The following TTLL5 variants were observed in gnomAD, a reference collection of about 807,000 sequenced individuals.
TTLL5 encodes tubulin polyglutamylase TTLL5.
In TTLL5, 132 loss-of-function variants were observed where a neutral mutation model predicts 168.4. The observed-to-expected ratio is 0.78, with a 90% confidence interval of 0.68 to 0.91. The LOEUF (loss-of-function observed/expected upper bound fraction) is 0.91. Ranked by LOEUF, TTLL5 falls within the 40% of genes least tolerant of loss-of-function variation. The pLI, the probability that TTLL5 is intolerant of heterozygous loss-of-function variation, is 0.00. For synonymous variants in TTLL5, 546 were observed against 558.6 expected (o/e 0.98, Z 0.32); for missense variants, 1,545 against 1,581.5 (o/e 0.98, Z 0.39).
intron 27 of TTLL5, among the ~76,000 whole-genome samples, chr14:75,816,180 GCA>G (rs1207189749): frequency 6.6e-6 from 1 of 152,212 alleles, no homozygotes; most frequent in East Asian, 1.9e-4. Flanking sequence ...CAAGAACCCA[GCA>G]CTTTGGGAGG....
intron 26 of TTLL5, among the ~76,000 whole-genome samples, chr14:75,784,086 A>C (rs1462000864): frequency 6.6e-6 from 1 of 152,204 alleles, no homozygotes; most frequent in Non-Finnish European, 1.5e-5. Context: ...GGTTATATAT[A>C]TATCTATCTT....
intron 4 of TTLL5, among the ~76,000 whole-genome samples, chr14:75,683,159 T>C (rs1294270178): frequency 6.6e-6 from 1 of 152,232 alleles, no homozygotes; most frequent in Non-Finnish European, 1.5e-5. Flanking sequence ...GTTGAATTAA[T>C]GGACAAAAGA....
At chr14:75,710,396 TTA>T (rs1204621437) in intron 9 of TTLL5, 1 of 71,210 alleles carries the variant, frequency 1.4e-5, no homozygotes, top group Admixed American at 1.9e-4. Context: ...ACAAAAAAAT[TTA>T]TACACACACA....
intron 30 of TTLL5, among the ~76,000 whole-genome samples, chr14:75,893,479 A>G (rs183686969): frequency 2.0e-5 from 3 of 152,338 alleles, no homozygotes; most frequent in African/African-American, 7.2e-5. Context: ...AAGTGTTGAT[A>G]ATAAACTTTC....
rs544504541 is a variant in TTLL5 at position 75,819,508 on chromosome 14, T to C, written c.3172-499T>C. Among the ~76,000 whole-genome samples the C allele has an allele frequency of 6.6e-5, 10 of 152,368 alleles. No homozygotes were observed. In the South Asian group the frequency reaches 2.1e-3, roughly 32 times the overall value. On this transcript the variant is annotated intron_variant, in intron 27 of 31. Coordinates refer to ENST00000298832, the MANE Select transcript of TTLL5 (RefSeq NM_015072.5). Reference sequence around the variant, plus strand: ...TTTTACATGTTTAATTGGCTAATTGTATTCCTTCTTTGTACATTATTTATT... The same window carrying C: ...TTTTACATGTTTAATTGGCTAATTGCATTCCTTCTTTGTACATTATTTATT...
At chr14:75,849,279 T>A (rs957450405) in intron 28 of TTLL5, among the ~76,000 whole-genome samples, 3 of 152,222 alleles carry the variant, frequency 2.0e-5, no homozygotes, top group African/African-American at 7.2e-5. Flanking sequence ...TAATTCTGTG[T>A]TTTAAATTAG....
chr14:75,741,179 A>G (rs574745950), intron 15 of TTLL5, among the ~76,000 whole-genome samples: 1 of 152,362 alleles, frequency 6.6e-6, no homozygotes, highest in African/African-American at 2.4e-5. Context: ...TTCTCTGGGA[A>G]GATTTCTGAA....
Position 75,884,782 on chromosome 14 carries a change from A to G in TTLL5, c.3740+1880A>G, listed in dbSNP as rs533024966. On this transcript the variant is annotated intron_variant, in intron 30 of 31. Coordinates refer to ENST00000298832, the MANE Select transcript of TTLL5 (RefSeq NM_015072.5). ...GTTTTGGGGACCCCAGTGTTTTCAG[A>G]TATTCTCCTGACTTTTAGGAAAAAG... Among the ~76,000 whole-genome samples the G allele has an allele frequency of 1.2e-3, 181 of 152,096 alleles. 1 individual carries two copies. The highest frequency in any genetic ancestry group is 0.011 in the Admixed American group (170 of 15,276).
chr14:75,942,471 A>T (rs1282313151), intron 31 of TTLL5, among the ~76,000 whole-genome samples: 1 of 152,204 alleles, frequency 6.6e-6, no homozygotes, highest in Non-Finnish European at 1.5e-5. Context: ...TCAGCACTTA[A>T]GAGTGTAGCA....
chr14:75,908,645 T>C (rs1425140242), intron 31 of TTLL5, among the ~76,000 whole-genome samples: 1 of 152,218 alleles, frequency 6.6e-6, no homozygotes, highest in African/African-American at 2.4e-5. Context: ...AAAGCCTGTG[T>C]ATGACCCCTG....
At chr14:75,911,432 GA>G in intron 31 of TTLL5, among the ~76,000 whole-genome samples, 1 of 152,282 alleles carries the variant, frequency 6.6e-6, no homozygotes. Context: ...ATAAAATGGG[GA>G]AAGAAGTTAG....
At chr14:75,706,880 G>T in intron 7 of TTLL5, 138 bp from the exon 8 acceptor site, 1 of 612,942 alleles carries the variant, frequency 1.6e-6, no homozygotes, top group South Asian at 2.0e-5. Flanking sequence ...GAATATATGG[G>T]TACCTTGGAG....
chr14:75,753,821 A>G (rs1451825012), intron 18 of TTLL5, among the ~76,000 whole-genome samples: 6 of 152,148 alleles, frequency 3.9e-5, no homozygotes, highest in Admixed American at 3.9e-4. Context: ...CCCCTCTATG[A>G]AAACTTTTAC....
At chr14:75,904,053 T>C (rs892498730) in intron 31 of TTLL5, 8 of 1,195,722 alleles carry the variant, frequency 6.7e-6, no homozygotes, top group Non-Finnish European at 7.4e-6. Context: ...CTCATAACCT[T>C]TTCTCTTTCC....
intron 28 of TTLL5, 59 bp downstream of exon 28, chr14:75,820,220 G>A (rs1595096450): frequency 1.4e-6 from 2 of 1,469,506 alleles, no homozygotes; most frequent in South Asian, 1.5e-5. Flanking sequence ...TGTGTCCCAA[G>A]CAAGCCATTC....
At chr14:75,729,095 AG>A (rs2140226131) in intron 12 of TTLL5, among the ~76,000 whole-genome samples, 1 of 152,302 alleles carries the variant, frequency 6.6e-6, no homozygotes, top group African/African-American at 2.4e-5. Flanking sequence ...TAGGAAGCTA[AG>A]TTTGCTTTGG....
chr14:75,741,584 C>T (rs944470851), intron 15 of TTLL5, among the ~76,000 whole-genome samples: 1 of 150,964 alleles, frequency 6.6e-6, no homozygotes, highest in East Asian at 1.9e-4. Context: ...CTCCTTGACA[C>T]TCATAAGCAT....
intron 29 of TTLL5, 127 bp downstream of exon 29, chr14:75,863,989 T>G (rs1255898332): frequency 1.0e-6 from 1 of 1,000,644 alleles, no homozygotes; most frequent in Admixed American, 3.2e-5. Context: ...CATCCTGGCT[T>G]GGACAGCTCA....
intron 31 of TTLL5, among the ~76,000 whole-genome samples, chr14:75,924,889 T>C (rs145054799): frequency 0.75 from 97,592 of 129,612 alleles, 36,019 homozygotes; most frequent in African/African-American, 0.81. Flanking sequence ...ACCTCCCGGA[T>C]GGGGCGGCTG....
Sources: allele counts gnomAD v4.1 joint callset (sites outside exome capture counted in the v4.1 genomes callset), GRCh38; gene constraint gnomAD v4.1.1; transcripts MANE v1.5; gene names NCBI Gene and HGNC (gene_info 2026-07-23, HGNC 2026-07-21).